Variants in RBFOX1 observed in about 807,000 individuals in gnomAD.
The protein encoded by RBFOX1 is RNA binding fox-1 homolog 1, also known as RNA binding protein fox-1 homolog 1.
Under a neutral mutation model 57.7 loss-of-function variants are expected in RBFOX1, and 8 were observed. The observed-to-expected ratio is 0.14, with a 90% CI of 0.08 to 0.25. The LOEUF (loss-of-function observed/expected upper bound fraction) is 0.25. Among genes scored for constraint, RBFOX1 ranks in the 10% least tolerant of loss-of-function variants. The probability of loss-of-function intolerance (pLI) is 1.00; values close to 1 mark genes in which losing one functional copy is unlikely to be tolerated. For missense variants in RBFOX1, 611 were observed against 548.5 expected (o/e 1.11, Z -1.14); for synonymous variants, 326 against 222.4 (o/e 1.47, Z -4.15).
intron 4 of RBFOX1, among the ~76,000 whole-genome samples, chr16:7,342,332 A>G (rs2096913800): frequency 6.6e-6 from 1 of 151,968 alleles, no homozygotes; most frequent in Admixed American, 6.6e-5. Context: ...AGATCTTCCC[A>G]CTCAGACGCA....
At chr16:7,661,705 G>A (rs763098565) in intron 12 of RBFOX1, among the ~76,000 whole-genome samples, 10 of 152,170 alleles carry the variant, frequency 6.6e-5, no homozygotes, top group Non-Finnish European at 1.3e-4. Flanking sequence ...TCATGCCTTC[G>A]CATAGTAGTT....
At chr16:7,588,436 A>C (rs1197699064) in intron 7 of RBFOX1, among the ~76,000 whole-genome samples, 3 of 152,208 alleles carry the variant, frequency 2.0e-5, no homozygotes, top group African/African-American at 7.2e-5. Context: ...ATAAGCAGAC[A>C]CAGGGGGTTA....
intron 4 of RBFOX1, among the ~76,000 whole-genome samples, chr16:7,432,809 T>C (rs1314068042): frequency 6.6e-6 from 1 of 152,188 alleles, no homozygotes; most frequent in African/African-American, 2.4e-5. Flanking sequence ...CCTGGAACTA[T>C]GGCTCCTTTG....
At chr16:6,955,960 C>T (rs1241897519) in intron 3 of RBFOX1, among the ~76,000 whole-genome samples, 2 of 151,070 alleles carry the variant, frequency 1.3e-5, no homozygotes, top group East Asian at 1.9e-4. Context: ...ACCACCTTGG[C>T]CTCCCGAAGT....
chr16:5,834,762 C>T (rs2056402624), intron 3 of RBFOX1, among the ~76,000 whole-genome samples: 1 of 149,158 alleles, frequency 6.7e-6, no homozygotes, highest in South Asian at 2.1e-4. Context: ...TACATACATA[C>T]ATACATGCAC....
intron 12 of RBFOX1, chr16:7,664,702 C>A (rs984780053): frequency 6.0e-6 from 4 of 664,504 alleles, no homozygotes; most frequent in Non-Finnish European, 7.4e-6. Flanking sequence ...CCTAGCACAC[C>A]GCCACCACCA....
At chr16:6,430,791 G>T (rs1416008264) in intron 2 of RBFOX1, among the ~76,000 whole-genome samples, 1 of 152,016 alleles carries the variant, frequency 6.6e-6, no homozygotes, top group Admixed American at 6.6e-5. Context: ...CTGCAGTGTG[G>T]ATGATAAGTC....
chr16:7,282,230 C>T (rs1218752729), intron 4 of RBFOX1, among the ~76,000 whole-genome samples: 3 of 152,104 alleles, frequency 2.0e-5, no homozygotes, highest in African/African-American at 7.2e-5. Flanking sequence ...ATTTTCTTTG[C>T]AGCGTTTGCT....
intron 3 of RBFOX1, among the ~76,000 whole-genome samples, chr16:6,939,389 G>C (rs1365894770): frequency 6.6e-6 from 1 of 151,710 alleles, no homozygotes; most frequent in Non-Finnish European, 1.5e-5. Flanking sequence ...GTGTATGTGT[G>C]TGTGTGTGTG....
chr16:6,208,932 G>T (rs1283553532), intron 1 of RBFOX1, among the ~76,000 whole-genome samples: 1 of 152,050 alleles, frequency 6.6e-6, no homozygotes, highest in Non-Finnish European at 1.5e-5. Context: ...GCCATATATT[G>T]TGTTACACTT....
At position 6,610,005 on chromosome 16, in the gene RBFOX1, C is replaced by CACAAAACAAAACAAA. The variant is rs71145259; in HGVS notation, c.-63-44571_-63-44557dup. On this transcript the variant is annotated intron_variant, in intron 2 of 15. Coordinates refer to ENST00000550418, the MANE Select transcript of RBFOX1 (RefSeq NM_018723.4). ...GCCTGGCAGTAGTGTGAGGCTCTGA[C>CACAAAACAAAACAAA]ACAAAACAAAACAAAACAAAACAAA... Among the ~76,000 whole-genome samples, 648 of 145,468 alleles carry CACAAAACAAAACAAA rather than the reference C, an allele frequency of 4.5e-3. 2 individuals carry two copies. Among genetic ancestry groups the CACAAAACAAAACAAA allele is most frequent in the African/African-American group, 7.3e-3 (284 of 39,150 alleles).
intron 4 of RBFOX1, among the ~76,000 whole-genome samples, chr16:7,207,594 A>G (rs1178110392): frequency 1.3e-5 from 2 of 152,216 alleles, no homozygotes; most frequent in Non-Finnish European, 2.9e-5. Context: ...ATGACATGGA[A>G]ACTATGACAG....
At chr16:7,428,594 C>T (rs1353775491) in intron 4 of RBFOX1, among the ~76,000 whole-genome samples, 1 of 150,618 alleles carries the variant, frequency 6.6e-6, no homozygotes, top group African/African-American at 2.4e-5. Flanking sequence ...TGGTATCAAA[C>T]TCCTGACCTC....
At chr16:7,582,295 C>G (rs948797405) in intron 6 of RBFOX1, among the ~76,000 whole-genome samples, 3 of 152,188 alleles carry the variant, frequency 2.0e-5, no homozygotes, top group Admixed American at 2.0e-4. Context: ...AGTGCACAAA[C>G]TCAACCTTGT....
At chr16:7,446,900 C>T (rs961588810) in intron 4 of RBFOX1, among the ~76,000 whole-genome samples, 11 of 143,944 alleles carry the variant, frequency 7.6e-5, no homozygotes, top group Non-Finnish European at 1.6e-4. Flanking sequence ...GCAAACTCCA[C>T]CTCCTGGGTT....
At chr16:7,664,876 G>A in intron 12 of RBFOX1, 53 bp from the exon 13 acceptor site, 3 of 1,613,792 alleles carry the variant, frequency 1.9e-6, no homozygotes, top group Non-Finnish European at 2.5e-6. Flanking sequence ...TGGTGTGTCT[G>A]CATGGGAAAT....
intron 4 of RBFOX1, among the ~76,000 whole-genome samples, chr16:7,214,477 C>G: frequency 6.6e-6 from 1 of 151,966 alleles, no homozygotes; most frequent in South Asian, 2.1e-4. Flanking sequence ...CCGATCCATC[C>G]ACTGCCTCCA....
chr16:6,774,118 C>G, intron 3 of RBFOX1: 1 of 620,410 alleles, frequency 1.6e-6, no homozygotes. Context: ...TTGTAAAATA[C>G]CAAGTTATCG....
intron 3 of RBFOX1, among the ~76,000 whole-genome samples, chr16:6,802,398 C>A (rs1265948975): frequency 1.3e-5 from 2 of 152,108 alleles, no homozygotes; most frequent in African/African-American, 4.8e-5. Context: ...ATGTTATGGC[C>A]TGGCGCAGTG....
Sources: gnomAD v4.1 joint callset for allele counts (sites outside exome capture counted in the v4.1 genomes callset) on GRCh38, gnomAD v4.1.1 for gene constraint, MANE v1.5 for transcripts, NCBI Gene and HGNC (gene_info 2026-07-23, HGNC 2026-07-21) for gene names.